Variants in LRRC8D observed in about 807,000 individuals in gnomAD.
The protein encoded by LRRC8D is leucine rich repeat containing 8 VRAC subunit D.
In LRRC8D, 20 loss-of-function variants were observed where a neutral mutation model predicts 55.8. That is an observed-to-expected ratio of 0.36 (90% CI 0.25 to 0.52). The LOEUF is 0.52. Among genes scored for constraint, LRRC8D ranks in the 20% least tolerant of loss-of-function variants. The pLI is 0.93. For missense variants in LRRC8D, 651 were observed against 1,030.8 expected (o/e 0.63, Z 5.05); for synonymous variants, 352 against 377.0 (o/e 0.93, Z 0.77).
chr1:89,883,978 T>A (rs1662344751), intron 2 of LRRC8D, among the ~76,000 whole-genome samples: 1 of 152,224 alleles, frequency 6.6e-6, no homozygotes. Context: ...TCAGTGTGGG[T>A]ACTTTGATCC....
At chr1:89,826,424 A>G (rs1782126) in intron 1 of LRRC8D, among the ~76,000 whole-genome samples, 118,210 of 151,762 alleles carry the variant, frequency 0.78, 46,765 homozygotes, top group Middle Eastern at 0.88. Flanking sequence ...GCCACTGCAC[A>G]CAGCTAATTT....
intron 2 of LRRC8D, among the ~76,000 whole-genome samples, chr1:89,889,600 G>C (rs1662509820): frequency 1.4e-5 from 2 of 147,578 alleles, no homozygotes; most frequent in South Asian, 4.2e-4. Context: ...AAAAAAGGCA[G>C]CCTGGATGCA....
intron 2 of LRRC8D, among the ~76,000 whole-genome samples, chr1:89,884,694 G>C (rs1262874785): frequency 6.6e-6 from 1 of 152,162 alleles, no homozygotes; most frequent in Non-Finnish European, 1.5e-5. Flanking sequence ...TTGTAAACTA[G>C]AATTATAATT....
At chr1:89,843,860 A>AT (rs1661203739) in intron 2 of LRRC8D, 78 bp downstream of exon 2, 1 of 576,298 alleles carries the variant, frequency 1.7e-6, no homozygotes, top group Non-Finnish European at 3.2e-6. Flanking sequence ...TCGGATCTGC[A>AT]TCTCCAGCTC....
intron 2 of LRRC8D, among the ~76,000 whole-genome samples, chr1:89,853,043 C>A (rs922406038): frequency 6.6e-6 from 1 of 152,120 alleles, no homozygotes; most frequent in Non-Finnish European, 1.5e-5. Flanking sequence ...AAGCAGGGAG[C>A]ACTTTAGTGG....
chr1:89,896,765 TTC>T (rs141152883), intron 2 of LRRC8D, among the ~76,000 whole-genome samples: 18 of 152,178 alleles, frequency 1.2e-4, no homozygotes, highest in African/African-American at 3.4e-4. Context: ...CTTTCTCCCT[TTC>T]TCTCTCTCTG....
intron 1 of LRRC8D, among the ~76,000 whole-genome samples, chr1:89,827,012 T>A (rs1660781136): frequency 6.6e-6 from 1 of 152,176 alleles, no homozygotes; most frequent in African/African-American, 2.4e-5. Flanking sequence ...TGTCCTGACT[T>A]GCTGTTGCAG....
chr1:89,832,352 A>T lies in LRRC8D; in HGVS notation c.-148+11061A>T, dbSNP rs114974003. 3.3e-3 allele frequency among the ~76,000 whole-genome samples: 510 copies of T among 152,294 alleles called. 4 individuals are homozygous for T. The highest frequency in any genetic ancestry group is 3.3e-3 in the Non-Finnish European group (224 of 68,020). On this transcript the variant is annotated intron_variant, in intron 1 of 2. Transcript: ENST00000337338. ...TATAGTACCTTGTTCCTGGAATTTC[A>T]GCATTTTCTGTGGGGAGGGGAACAA...
At position 89,834,219 on chromosome 1, in the gene LRRC8D, A is replaced by AT. The variant is rs1006190037; in HGVS notation, c.-147-9417dup. On this transcript the variant is annotated intron_variant, in intron 1 of 2. Transcript: ENST00000337338. ...TTTAAGAAATCACTTAACATTTATC[A>AT]TTACTTTGAAAGCAAATGCCTTTTT... 3.9e-4 allele frequency among the ~76,000 whole-genome samples: 60 copies of AT among 152,240 alleles called. 1 individual carries two copies. Among genetic ancestry groups the AT allele is most frequent in the Non-Finnish European group, 5.9e-5 (4 of 68,050 alleles).
At chr1:89,907,357 A>G (rs1663023169) in intron 2 of LRRC8D, among the ~76,000 whole-genome samples, 1 of 151,696 alleles carries the variant, frequency 6.6e-6, no homozygotes, top group Admixed American at 6.6e-5. Context: ...CACCTGGCTA[A>G]TTTTTGTATA....
intron 2 of LRRC8D, among the ~76,000 whole-genome samples, chr1:89,907,146 A>G (rs182417674): frequency 1.2e-3 from 148 of 125,708 alleles, no homozygotes; most frequent in Middle Eastern, 0.011. Flanking sequence ...CTTCCCATCT[A>G]TCTTTCAGGT....
At chr1:89,908,842 GA>G (rs1663059664) in intron 2 of LRRC8D, among the ~76,000 whole-genome samples, 1 of 152,288 alleles carries the variant, frequency 6.6e-6, no homozygotes, top group Middle Eastern at 3.4e-3. Context: ...ACTCTCAGAG[GA>G]AATGAAGGAT....
At chr1:89,915,037 T>TGTGTGTGTG (rs964610973) in intron 2 of LRRC8D, among the ~76,000 whole-genome samples, 1 of 151,570 alleles carries the variant, frequency 6.6e-6, no homozygotes, top group Non-Finnish European at 1.5e-5. Flanking sequence ...TGTGTGTGTG[T>TGTGTGTGTG]GTGTGTGTGG....
rs1663816222 is a variant in LRRC8D, at chr1:89,935,315, A to T, written c.2247A>T (p.Gly749=). Residue 749 remains glycine (G), a synonymous_variant, in exon 3 of 3, where the codon GGA becomes GGT. Transcript: ENST00000337338. Reference sequence around the variant, plus strand: ...TTTCAATGATTCCAATAGAAATAGGATTGCTTCAGAACCTGCAGCATTTGC... The same window carrying T: ...TTTCAATGATTCCAATAGAAATAGGTTTGCTTCAGAACCTGCAGCATTTGC... ...NNISMIPIEI[G]LLQNLQHLHI... 1.9e-6 allele frequency: 3 copies of T among 1,614,232 alleles called. No individual in the cohort carries two copies. Among genetic ancestry groups the T allele is most frequent in the Non-Finnish European group, 2.5e-6 (3 of 1,180,020 alleles).
At chr1:89,896,186 G>A (rs72965700) in intron 2 of LRRC8D, among the ~76,000 whole-genome samples, 2,703 of 152,284 alleles carry the variant, frequency 0.018, 70 homozygotes, top group African/African-American at 0.062. Flanking sequence ...AGAGTGTGGG[G>A]AGAGGATCAG....
chr1:89,871,951 A>G (rs1662016447), intron 2 of LRRC8D, among the ~76,000 whole-genome samples: 1 of 152,114 alleles, frequency 6.6e-6, no homozygotes, highest in Non-Finnish European at 1.5e-5. Flanking sequence ...TTGGGCACTT[A>G]CAGCTTTTAC....
intron 2 of LRRC8D, chr1:89,846,484 G>C (rs543656745): frequency 3.3e-5 from 5 of 152,272 alleles, no homozygotes; most frequent in Non-Finnish European, 5.9e-5. Flanking sequence ...ACCTGAACAA[G>C]GTCTTCTGAT....
At chr1:89,914,778 A>G (rs987097512) in intron 2 of LRRC8D, among the ~76,000 whole-genome samples, 7 of 149,990 alleles carry the variant, frequency 4.7e-5, no homozygotes, top group Non-Finnish European at 7.4e-5. Flanking sequence ...GGGTCTTACT[A>G]TGTTCCCAGG....
In LRRC8D at chr1:89,933,682, A is replaced by C; in HGVS notation, c.614A>C (p.Glu205Ala). 6.2e-7 allele frequency: 1 copy of C among 1,614,188 alleles called. No individual in the cohort carries two copies. Among genetic ancestry groups the C allele is most frequent in the Non-Finnish European group, 8.5e-7 (1 of 1,180,038 alleles). Reference sequence around the variant, plus strand: ...GTTTCAATATTAGGAAAGTGCTTTGAATCCCCTTGGACGACAAAAGCGTTG... The same window carrying C: ...GTTTCAATATTAGGAAAGTGCTTTGCATCCCCTTGGACGACAAAAGCGTTG... The part of the protein sequence containing the change: ...HFVSILGKCF[E>A]SPWTTKALSE... Residue 205 changes from glutamate to alanine, a missense_variant, in exon 3 of 3, where the codon GAA (glutamate) becomes GCA (alanine). Coordinates refer to ENST00000337338, the MANE Select transcript of LRRC8D (RefSeq NM_001134479.2). The surrounding 1 kb of genome is among the most constrained non-coding windows in gnomAD (Gnocchi z 7.0).
Sources: allele counts gnomAD v4.1 joint callset (sites outside exome capture counted in the v4.1 genomes callset), GRCh38; gene constraint gnomAD v4.1.1; non-coding constraint Gnocchi (gnomAD v3.1); transcripts MANE v1.5; gene names NCBI Gene and HGNC (gene_info 2026-07-23, HGNC 2026-07-21).